The following GNAQ variants were observed in gnomAD, a reference collection of about 807,000 sequenced individuals.
GNAQ encodes G protein subunit alpha q, also known as guanine nucleotide-binding protein G(q) subunit alpha.
GNAQ carries 8 observed loss-of-function variants against 43.9 expected under a neutral mutation model. The observed-to-expected ratio is 0.18, with a 90% CI of 0.11 to 0.33. GNAQ has a LOEUF of 0.33. Ranked by LOEUF, GNAQ falls within the 10% of genes least tolerant of loss-of-function variation. GNAQ has a pLI of 1.00. For missense variants in GNAQ, 158 were observed against 450.8 expected (o/e 0.35, Z 5.88); for synonymous variants, 155 against 170.7 (o/e 0.91, Z 0.71).
chr9:77,763,652 A>T (rs1210135373), intron 5 of GNAQ, among the ~76,000 whole-genome samples: 1 of 152,218 alleles, frequency 6.6e-6, no homozygotes, highest in South Asian at 2.1e-4. Flanking sequence ...ATTTACATTC[A>T]TTACAAGGGT....
intron 1 of GNAQ, among the ~76,000 whole-genome samples, chr9:78,028,526 C>T (rs761416794): frequency 2.6e-5 from 4 of 152,152 alleles, no homozygotes; most frequent in Non-Finnish European, 5.9e-5. Context: ...TCAAACAAAT[C>T]CTCTTCCATT....
At chr9:77,984,048 G>GAAAAAAAAAAAAAA (rs1564170418) in intron 1 of GNAQ, among the ~76,000 whole-genome samples, 1 of 24,712 alleles carries the variant, frequency 4.0e-5, no homozygotes, top group African/African-American at 2.1e-4. Context: ...ATTTTGGAGA[G>GAAAAAAAAAAAAAA]CAAAAAAAAA....
intron 1 of GNAQ, among the ~76,000 whole-genome samples, chr9:78,016,936 GT>G (rs1354042094): frequency 3.9e-5 from 6 of 151,974 alleles, no homozygotes; most frequent in African/African-American, 1.5e-4. Flanking sequence ...AGCTAAAACT[GT>G]TATGTGTTGT....
intron 5 of GNAQ, among the ~76,000 whole-genome samples, chr9:77,761,658 C>G: frequency 1.0e-5 from 1 of 99,378 alleles, no homozygotes; most frequent in Non-Finnish European, 2.1e-5. Context: ...CCAGCCGCCC[C>G]GTCCGGGAGG....
chr9:77,945,161 T>C (rs185985436), intron 1 of GNAQ, among the ~76,000 whole-genome samples: 3 of 152,340 alleles, frequency 2.0e-5, no homozygotes, highest in African/African-American at 7.2e-5. Context: ...AAATTGGTTC[T>C]TGGGCTATTA....
intron 2 of GNAQ, among the ~76,000 whole-genome samples, chr9:77,877,400 T>C (rs569830008): frequency 1.3e-5 from 2 of 152,230 alleles, no homozygotes; most frequent in South Asian, 4.1e-4. Context: ...CGAGAATAGG[T>C]AAAAACTCAT....
At chr9:77,832,309 G>A (rs1225780977) in intron 2 of GNAQ, among the ~76,000 whole-genome samples, 2 of 152,124 alleles carry the variant, frequency 1.3e-5, no homozygotes, top group Admixed American at 1.3e-4. Context: ...CAAAGTTCTT[G>A]CTTCAATTAT....
At chr9:77,975,990 AC>A (rs1432673285) in intron 1 of GNAQ, among the ~76,000 whole-genome samples, 1 of 152,114 alleles carries the variant, frequency 6.6e-6, no homozygotes, top group Non-Finnish European at 1.5e-5. Flanking sequence ...TCACTGTTAA[AC>A]AGTTTGTTTT....
At chr9:77,731,764 T>C (rs1235214534) in intron 5 of GNAQ, among the ~76,000 whole-genome samples, 1 of 152,176 alleles carries the variant, frequency 6.6e-6, no homozygotes, top group Non-Finnish European at 1.5e-5. Flanking sequence ...CGCATTGAGC[T>C]GGAAGGTACA....
chr9:77,996,677 C>CAAAAAAAAAAAAA (rs3083223), intron 1 of GNAQ, among the ~76,000 whole-genome samples: 9 of 105,586 alleles, frequency 8.5e-5, no homozygotes, highest in Non-Finnish European at 1.1e-4. Context: ...GACTCCATCT[C>CAAAAAAAAAAAAA]AAAAAAAAAA....
intron 2 of GNAQ, among the ~76,000 whole-genome samples, chr9:77,860,673 A>G (rs1295871183): frequency 6.6e-6 from 1 of 152,180 alleles, no homozygotes. Context: ...AGTGAGTGCT[A>G]GTTCGCCCGC....
intron 1 of GNAQ, among the ~76,000 whole-genome samples, chr9:77,956,581 G>A (rs1823043471): frequency 2.0e-5 from 3 of 152,142 alleles, no homozygotes; most frequent in Non-Finnish European, 4.4e-5. Flanking sequence ...CTCAGTCATC[G>A]AGTCTCTTCT....
intron 1 of GNAQ, among the ~76,000 whole-genome samples, chr9:77,952,347 A>AT (rs1268793574): frequency 1.4e-5 from 2 of 146,482 alleles, no homozygotes; most frequent in Middle Eastern, 7.0e-3. Context: ...TTCCTTGCGT[A>AT]TGTTGAATCC....
At chr9:77,961,883 C>G (rs1471861761) in intron 1 of GNAQ, among the ~76,000 whole-genome samples, 1 of 152,104 alleles carries the variant, frequency 6.6e-6, no homozygotes, top group Non-Finnish European at 1.5e-5. Flanking sequence ...AATTTAGACC[C>G]AGAAGACAAG....
intron 5 of GNAQ, among the ~76,000 whole-genome samples, chr9:77,761,016 G>A (rs1281524077): frequency 2.0e-5 from 3 of 149,658 alleles, no homozygotes; most frequent in African/African-American, 5.0e-5. Context: ...CCCGGCAGCC[G>A]CCCCATCTGA....
chr9:77,771,932 A>C (rs1826228704), intron 5 of GNAQ, among the ~76,000 whole-genome samples: 1 of 152,082 alleles, frequency 6.6e-6, no homozygotes, highest in Non-Finnish European at 1.5e-5. Context: ...CCACCCTGGA[A>C]GGCTGAGGAG....
chr9:77,967,856 T>C (rs553162146), intron 1 of GNAQ, among the ~76,000 whole-genome samples: 49 of 152,250 alleles, frequency 3.2e-4, no homozygotes, highest in African/African-American at 1.1e-3. Context: ...GCACATGCCT[T>C]GTAATCCCTG....
intron 1 of GNAQ, among the ~76,000 whole-genome samples, chr9:77,965,679 A>G (rs1160939827): frequency 6.6e-6 from 1 of 152,152 alleles, no homozygotes; most frequent in Non-Finnish European, 1.5e-5. Context: ...ACATTTTTTT[A>G]AAAGACTGAC....
intron 5 of GNAQ, among the ~76,000 whole-genome samples, chr9:77,736,360 C>T (rs915753938): frequency 9.9e-5 from 15 of 152,110 alleles, no homozygotes; most frequent in Non-Finnish European, 2.2e-4. Flanking sequence ...CTAGCCATTG[C>T]ACTTTTGCTA....
Sources: allele counts gnomAD v4.1 joint callset (sites outside exome capture counted in the v4.1 genomes callset), GRCh38; gene constraint gnomAD v4.1.1; transcripts MANE v1.5; gene names NCBI Gene and HGNC (gene_info 2026-07-23, HGNC 2026-07-21).